CEMIP: variants seen among roughly 807,000 people sequenced by gnomAD.
The protein encoded by CEMIP is cell migration-inducing and hyaluronan-binding protein.
Under a neutral mutation model 156.9 loss-of-function variants are expected in CEMIP, and 105 were observed. The ratio of observed to expected loss-of-function variants is 0.67; its 90% confidence interval spans 0.57 to 0.79. The LOEUF is 0.79. CEMIP is among the 30% of genes least tolerant of loss of function. The pLI, the probability that CEMIP is intolerant of heterozygous loss-of-function variation, is 0.00. For missense variants in CEMIP, 1,457 were observed against 1,769.4 expected, an observed-to-expected ratio of 0.82 and a Z score of 3.17; for synonymous variants, 676 against 668.4, an observed-to-expected ratio of 1.01 and a Z score of -0.17.
chr15:80,872,956 A>T (rs76840745), intron 1 of CEMIP, among the ~76,000 whole-genome samples: 94 of 152,356 alleles, frequency 6.2e-4, no homozygotes, highest in African/African-American at 2.2e-3. Flanking sequence ...CAGTGCATGC[A>T]TGGCTCCTAC....
At chr15:80,855,564 G>C (rs1897832676) in intron 1 of CEMIP, among the ~76,000 whole-genome samples, 1 of 151,640 alleles carries the variant, frequency 6.6e-6, no homozygotes, top group Non-Finnish European at 1.5e-5. Context: ...CTGGAGTGCA[G>C]TGGCACGATC....
intron 3 of CEMIP, among the ~76,000 whole-genome samples, chr15:80,875,593 G>A (rs1245582084): frequency 2.0e-5 from 3 of 152,246 alleles, no homozygotes; most frequent in Admixed American, 2.0e-4. Flanking sequence ...TATGTGGAAA[G>A]GGGCTGAGCC....
chr15:80,889,952 G>T (rs546500336), intron 10 of CEMIP, among the ~76,000 whole-genome samples: 1 of 152,224 alleles, frequency 6.6e-6, no homozygotes, highest in Non-Finnish European at 1.5e-5. Flanking sequence ...GATTTGGGGT[G>T]CAGGCCAGGC....
intron 7 of CEMIP, among the ~76,000 whole-genome samples, chr15:80,887,422 G>A (rs1259291861): frequency 1.3e-5 from 2 of 152,194 alleles, no homozygotes; most frequent in Non-Finnish European, 2.9e-5. Context: ...TGTGATTCAT[G>A]CTCCCATCTT....
intron 1 of CEMIP, among the ~76,000 whole-genome samples, chr15:80,820,366 A>G (rs1330096477): frequency 1.3e-5 from 2 of 152,204 alleles, no homozygotes. Context: ...TAAATTTCTG[A>G]GGACTGGTAG....
intron 1 of CEMIP, among the ~76,000 whole-genome samples, chr15:80,782,613 G>C (rs1895826549): frequency 6.6e-6 from 1 of 152,026 alleles, no homozygotes; most frequent in Admixed American, 6.5e-5. Context: ...CCACAAAAGT[G>C]TGTGTGTGTG....
rs951404846 is a variant in CEMIP at position 80,949,164 on chromosome 15, C to G, written c.*240C>G. The G allele has an allele frequency of 1.8e-6, 1 of 566,164 alleles. No individual in the cohort carries two copies. The allele number at this position is 566,164 out of a possible 1,614,324, so 35.1% of individuals were successfully genotyped here. On this transcript the variant is annotated 3_prime_UTR_variant, in exon 30 of 30. Transcript: ENST00000394685. ...GGCCAATGCTGGAAACATTCACTTTCCTGCAGCCTCTTGGGTGCTTCTCTC... is the reference window on the plus strand; with the variant it reads ...GGCCAATGCTGGAAACATTCACTTTGCTGCAGCCTCTTGGGTGCTTCTCTC...
At chr15:80,877,866 G>C (rs757102969) in intron 3 of CEMIP, among the ~76,000 whole-genome samples, 1 of 152,234 alleles carries the variant, frequency 6.6e-6, no homozygotes, top group Non-Finnish European at 1.5e-5. Context: ...AGGAAACACA[G>C]ATGCCATCAG....
intron 14 of CEMIP, among the ~76,000 whole-genome samples, chr15:80,910,246 T>C (rs1036376569): frequency 6.6e-6 from 1 of 152,256 alleles, no homozygotes; most frequent in Non-Finnish European, 1.5e-5. Context: ...ATGCCCATCC[T>C]GCCTCCCTGC....
chr15:80,922,735 G>A (rs1277814498), intron 17 of CEMIP, among the ~76,000 whole-genome samples: 2 of 152,172 alleles, frequency 1.3e-5, no homozygotes, highest in Admixed American at 6.5e-5. Flanking sequence ...ACCAAGCTAG[G>A]CACTGGGGGA....
intron 19 of CEMIP, among the ~76,000 whole-genome samples, chr15:80,927,480 C>T (rs768166355): frequency 1.2e-4 from 19 of 152,160 alleles, no homozygotes; most frequent in African/African-American, 1.9e-4. Flanking sequence ...TTGCAATATC[C>T]TAAGTTCGGT....
rs1303591749 is a variant in CEMIP, at chr15:80,779,445, A to G, written c.-345A>G. 6.6e-6 allele frequency: 1 copy of G among 152,282 alleles called. No individual in the cohort carries two copies. The highest frequency in any genetic ancestry group is 6.5e-5 in the Admixed American group (1 of 15,290). The allele number at this position is 152,282 out of a possible 1,614,324, so 9.4% of individuals were successfully genotyped here. ...GCGAGCGCAAGCGGCGCGGGGAGCC[A>G]GCGGGGCTGAGCGCGGCCAGGGTCT... On this transcript the variant is annotated 5_prime_UTR_variant, in exon 1 of 30. Coordinates refer to ENST00000394685, the MANE Select transcript of CEMIP (RefSeq NM_001293298.2).
chr15:80,814,866 T>G (rs959939759), intron 1 of CEMIP, among the ~76,000 whole-genome samples: 4 of 152,240 alleles, frequency 2.6e-5, no homozygotes, highest in Non-Finnish European at 5.9e-5. Flanking sequence ...TCTCTCCTTT[T>G]TTAAGAGATG....
chr15:80,922,804 C>T (rs1900524263), intron 17 of CEMIP, among the ~76,000 whole-genome samples: 1 of 152,150 alleles, frequency 6.6e-6, no homozygotes, highest in Non-Finnish European at 1.5e-5. Context: ...CCAGTGAGGA[C>T]AGCAGTCAAG....
intron 12 of CEMIP, chr15:80,896,397 T>C (rs1182736907): frequency 2.0e-6 from 1 of 502,068 alleles, no homozygotes; most frequent in Non-Finnish European, 3.9e-6. Flanking sequence ...TCTTAAGGCC[T>C]AGGCTCAAAG....
intron 1 of CEMIP, among the ~76,000 whole-genome samples, chr15:80,787,304 A>G (rs1380690144): frequency 6.6e-6 from 1 of 152,226 alleles, no homozygotes; most frequent in East Asian, 1.9e-4. Flanking sequence ...GAGAGTTTAG[A>G]CAATACCTTC....
chr15:80,880,726 A>G (rs986335724), intron 5 of CEMIP, among the ~76,000 whole-genome samples, 174 bp from the exon 6 acceptor site: 1 of 152,214 alleles, frequency 6.6e-6, no homozygotes, highest in Non-Finnish European at 1.5e-5. Flanking sequence ...ATGAGCCACA[A>G]GCCCAGCCGC....
chr15:80,801,563 G>A (rs1896378574), intron 1 of CEMIP, among the ~76,000 whole-genome samples: 1 of 152,252 alleles, frequency 6.6e-6, no homozygotes, highest in Non-Finnish European at 1.5e-5. Context: ...AGCCAGGTCA[G>A]TTCATGTTCA....
chr15:80,918,624 G>A lies in CEMIP; in HGVS notation c.1798-1470G>A, dbSNP rs149329327. Among the ~76,000 whole-genome samples, 1,007 of 152,284 alleles carry A rather than the reference G, an allele frequency of 6.6e-3. 11 individuals are homozygous for A. The highest frequency in any genetic ancestry group is 0.023 in the African/African-American group (961 of 41,544). On this transcript the variant is annotated intron_variant, in intron 14 of 29. Transcript: ENST00000394685. ...AGGTGTGGGTTGAATTGATGTCATC[G>A]GGAATCAGGAACTCCCTTGGTGGAT...
Sources: allele counts gnomAD v4.1 joint callset (sites outside exome capture counted in the v4.1 genomes callset), GRCh38; gene constraint gnomAD v4.1.1; transcripts MANE v1.5; gene names NCBI Gene and HGNC (gene_info 2026-07-23, HGNC 2026-07-21).